The following IRAK3 variants were observed in gnomAD, a reference collection of about 807,000 sequenced individuals.
IRAK3 encodes interleukin-1 receptor-associated kinase 3.
In IRAK3, 57 loss-of-function variants were observed where a neutral mutation model predicts 56.6. The observed-to-expected ratio is 1.01, with a 90% CI of 0.81 to 1.26. The LOEUF (loss-of-function observed/expected upper bound fraction) is 1.26. IRAK3 is among the 50% of genes most tolerant of loss of function. The pLI is 0.00. For missense variants in IRAK3, 703 were observed against 719.0 expected (o/e 0.98, Z 0.25); for synonymous variants, 258 against 255.7 (o/e 1.01, Z -0.09).
chr12:66,244,113 T>A (rs1456161548), intron 8 of IRAK3, among the ~76,000 whole-genome samples: 1 of 152,146 alleles, frequency 6.6e-6, no homozygotes, highest in Non-Finnish European at 1.5e-5. Flanking sequence ...AACAGACACA[T>A]AATCAGCTGA....
rs1198316223 is a variant in IRAK3, at chr12:66,252,174, T to G, written c.*4003T>G. The G allele has an allele frequency of 6.6e-6, 1 of 151,964 alleles. No homozygotes were observed. Among genetic ancestry groups the G allele is most frequent in the East Asian group, 1.9e-4 (1 of 5,172 alleles). The allele number at this position is 151,964 out of a possible 1,614,324, so 9.4% of individuals were successfully genotyped here. A position where few individuals can be genotyped will look rare whatever the true frequency, so the allele number is the denominator to read the frequency against. Reference sequence around the variant, plus strand: ...GTTTTTTTCTGGTTAACCCTTAGAGTCACCCTGAAGGTGTGGATCCCATCT... The same window carrying G: ...GTTTTTTTCTGGTTAACCCTTAGAGGCACCCTGAAGGTGTGGATCCCATCT... On this transcript the variant is annotated 3_prime_UTR_variant, in exon 12 of 12. Transcript: ENST00000261233.
chr12:66,211,399 A>G (rs754602931), intron 4 of IRAK3, 47 bp from the exon 5 acceptor site: 15 of 1,408,948 alleles, frequency 1.1e-5, no homozygotes, highest in South Asian at 3.5e-5. Context: ...TATAATGGTG[A>G]TGTTCCTTCT....
At chr12:66,227,072 CT>C (rs2052794526) in intron 7 of IRAK3, among the ~76,000 whole-genome samples, 1 of 152,148 alleles carries the variant, frequency 6.6e-6, no homozygotes, top group Non-Finnish European at 1.5e-5. Context: ...TGGGTTCTTA[CT>C]CATTATATGG....
chr12:66,253,552 CATT>C lies in IRAK3; in HGVS notation c.*5384_*5386del, dbSNP rs1182864513. The C allele has an allele frequency of 6.6e-6, 1 of 152,190 alleles. No individual in the cohort carries two copies. The highest frequency in any genetic ancestry group is 1.5e-5 in the Non-Finnish European group (1 of 68,048). The allele number at this position is 152,190 out of a possible 1,614,324, so 9.4% of individuals were successfully genotyped here. ...CTGCCAAACCTTCATTTAAGAGACT[CATT>C]ATGGATGTCATCTGCATCATTGCAA... On this transcript the variant is annotated 3_prime_UTR_variant, in exon 12 of 12. Coordinates refer to ENST00000261233, the MANE Select transcript of IRAK3 (RefSeq NM_007199.3).
chr12:66,225,772 A>T (rs1435540980), intron 6 of IRAK3, among the ~76,000 whole-genome samples: 1 of 152,158 alleles, frequency 6.6e-6, no homozygotes, highest in Non-Finnish European at 1.5e-5. Flanking sequence ...AGAAATGCAT[A>T]CTACACTGAC....
chr12:66,216,415 C>A (rs1307506928), intron 5 of IRAK3, among the ~76,000 whole-genome samples: 2 of 152,150 alleles, frequency 1.3e-5, no homozygotes, highest in Non-Finnish European at 2.9e-5. Flanking sequence ...TCCCTTTATT[C>A]CTGAGGGCAG....
At chr12:66,231,356 A>T (rs1201006009) in intron 8 of IRAK3, among the ~76,000 whole-genome samples, 3 of 152,230 alleles carry the variant, frequency 2.0e-5, no homozygotes, top group African/African-American at 7.2e-5. Context: ...CTACTTTAAA[A>T]AAAAAAAGTG....
At chr12:66,212,881 G>A (rs183688162) in intron 5 of IRAK3, among the ~76,000 whole-genome samples, 1 of 152,044 alleles carries the variant, frequency 6.6e-6, no homozygotes, top group African/African-American at 2.4e-5. Context: ...GGGCCTGTTG[G>A]GGGGTTGGGG....
rs1466673471 is a variant in IRAK3, at chr12:66,204,776, GCGCACA to G, written c.316+885_316+890del. ...ATATATTTAGTGCGCATGAGCCCTTGCGCACACACACACACACACACACACACACAC... is the reference window on the plus strand; with the variant it reads ...ATATATTTAGTGCGCATGAGCCCTTGCACACACACACACACACACACACAC... On this transcript the variant is annotated intron_variant, in intron 2 of 11. Transcript: ENST00000261233. Among the ~76,000 whole-genome samples, 31 of 77,096 alleles carry G rather than the reference GCGCACA, an allele frequency of 4.0e-4. No individual in the cohort carries two copies. The South Asian group carries it at 8.8e-3, about 22-fold the overall frequency. 50.6% of individuals were successfully genotyped at this position (77,096 alleles called of 152,430 possible).
intron 1 of IRAK3, among the ~76,000 whole-genome samples, chr12:66,198,392 G>A (rs1463183451): frequency 6.6e-6 from 1 of 152,130 alleles, no homozygotes; most frequent in Non-Finnish European, 1.5e-5. Flanking sequence ...GCCCTCTTGT[G>A]TTGTCTTCAC....
chr12:66,227,409 G>A (rs1008679713), intron 7 of IRAK3, among the ~76,000 whole-genome samples: 10 of 151,988 alleles, frequency 6.6e-5, no homozygotes, highest in African/African-American at 2.4e-4. Context: ...TGAACAACAT[G>A]GTGAAACCCC....
At position 66,244,958 on chromosome 12, in the gene IRAK3, A is replaced by G. The variant is rs759054038; in HGVS notation, c.1097A>G (p.Glu366Gly). 6.2e-6 allele frequency: 10 copies of G among 1,611,402 alleles called. No individual in the cohort carries two copies. Among genetic ancestry groups the G allele is most frequent in the Non-Finnish European group, 8.5e-6 (10 of 1,177,610 alleles). Residue 366 changes from glutamate to glycine, a missense_variant, in exon 10 of 12, where the codon GAA becomes GGA. Glu to Gly is a moderately conservative substitution (Grantham distance 98). Transcript: ENST00000261233. ...ATATATTCCTTGTAGGTAATAATGG[A>G]AGTTCTAACAGGATGTAGAGTAGTG... is the stretch of plus-strand genomic sequence containing the variant. ...DVYSFGIVIM[E>G]VLTGCRVVLD...
intron 6 of IRAK3, among the ~76,000 whole-genome samples, chr12:66,219,458 A>G (rs2052709851): frequency 6.6e-6 from 1 of 152,226 alleles, no homozygotes; most frequent in Admixed American, 6.5e-5. Flanking sequence ...ATCTTCCACC[A>G]TGATTGTGGG....
chr12:66,224,251 C>T (rs1336041607), intron 6 of IRAK3, among the ~76,000 whole-genome samples: 1 of 152,148 alleles, frequency 6.6e-6, no homozygotes, highest in Non-Finnish European at 1.5e-5. Flanking sequence ...GTAGATCTTA[C>T]CTTTTCTATA....
chr12:66,226,165 C>T (rs2052783190), intron 6 of IRAK3, among the ~76,000 whole-genome samples: 1 of 151,902 alleles, frequency 6.6e-6, no homozygotes, highest in Non-Finnish European at 1.5e-5. Context: ...AAATTTTCTG[C>T]CTTATATTTG....
chr12:66,193,332 A>C (rs2052417750), intron 1 of IRAK3, among the ~76,000 whole-genome samples: 1 of 152,068 alleles, frequency 6.6e-6, no homozygotes, highest in Non-Finnish European at 1.5e-5. Context: ...TTTTTTAAGA[A>C]CAGTTTTAAA....
chr12:66,209,807 T>C (rs2052594480), intron 3 of IRAK3, among the ~76,000 whole-genome samples: 1 of 152,226 alleles, frequency 6.6e-6, no homozygotes, highest in South Asian at 2.1e-4. Context: ...ACTCAGCTTT[T>C]AATTTTCCTT....
At chr12:66,236,525 A>G (rs907296553) in intron 8 of IRAK3, among the ~76,000 whole-genome samples, 2 of 151,746 alleles carry the variant, frequency 1.3e-5, no homozygotes, top group African/African-American at 4.8e-5. Context: ...CTGAAATTGC[A>G]TCACTGCACT....
rs527998856 is a variant in IRAK3, at chr12:66,253,229, T to C, written c.*5058T>C. The stretch of plus-strand genomic sequence containing the variant: ...ATATAATCAATCATTGCTTAAATTA[T>C]TCCATTTCATCATTCTTGAATAAAA... On this transcript the variant is annotated 3_prime_UTR_variant, in exon 12 of 12. Transcript: ENST00000261233. 4 of 152,386 alleles carry C rather than the reference T, an allele frequency of 2.6e-5. No individual in the cohort carries two copies. In the South Asian group the frequency reaches 8.3e-4, roughly 32 times the overall value. The allele number at this position is 152,386 out of a possible 1,614,324, so 9.4% of individuals were successfully genotyped here. A position where few individuals can be genotyped will look rare whatever the true frequency, so the allele number is the denominator to read the frequency against.
Sources: allele counts gnomAD v4.1 joint callset (sites outside exome capture counted in the v4.1 genomes callset), GRCh38; gene constraint gnomAD v4.1.1; transcripts MANE v1.5; gene names NCBI Gene and HGNC (gene_info 2026-07-23, HGNC 2026-07-21).